The following BRD4 variants were observed in gnomAD, a reference collection of about 807,000 sequenced individuals.
BRD4 encodes bromodomain-containing protein 4.
A neutral mutation model predicts 142.1 loss-of-function variants in BRD4; 16 were observed. That is an observed-to-expected ratio of 0.11 (90% CI 0.08 to 0.17). The LOEUF (loss-of-function observed/expected upper bound fraction) is 0.17, where lower values mean the gene tolerates loss of function less well. BRD4 is among the 10% of genes least tolerant of loss of function. The pLI is 1.00. For synonymous variants in BRD4, 833 were observed against 707.5 expected (o/e 1.18, Z -2.82); for missense variants, 1,424 against 1,810.9 (o/e 0.79, Z 3.88).
At chr19:15,244,851 T>C in intron 11 of BRD4, 89 bp from the exon 12 acceptor site, 3 of 1,603,058 alleles carry the variant, frequency 1.9e-6, no homozygotes, top group Non-Finnish European at 2.6e-6. Context: ...AACAGGGCAC[T>C]TTCAGGAGAA....
At chr19:15,286,253 A>G (rs1307623618) in intron 1 of BRD4, among the ~76,000 whole-genome samples, 1 of 152,214 alleles carries the variant, frequency 6.6e-6, no homozygotes, top group Non-Finnish European at 1.5e-5. Flanking sequence ...CCTCCCCTGC[A>G]CCGGCCTAAC....
At chr19:15,265,325 A>G in intron 5 of BRD4, 29 bp downstream of exon 5, 2 of 1,472,518 alleles carry the variant, frequency 1.4e-6, no homozygotes, top group Non-Finnish European at 1.8e-6. Context: ...TCCCTGGTGA[A>G]GCAGCCCTCC....
At chr19:15,321,395 G>C (rs1315154342) in intron 1 of BRD4, among the ~76,000 whole-genome samples, 1 of 151,356 alleles carries the variant, frequency 6.6e-6, no homozygotes, top group Non-Finnish European at 1.5e-5. Flanking sequence ...TACCACTTGG[G>C]TTGAGGGAAT....
intron 1 of BRD4, among the ~76,000 whole-genome samples, chr19:15,313,376 A>T (rs1225451888): frequency 1.4e-5 from 2 of 145,156 alleles, no homozygotes; most frequent in African/African-American, 5.0e-5. Flanking sequence ...CCATCTTTAA[A>T]AAAAAAAAAA....
chr19:15,313,601 G>A (rs553331739), intron 1 of BRD4, among the ~76,000 whole-genome samples: 7 of 152,016 alleles, frequency 4.6e-5, no homozygotes, highest in East Asian at 1.9e-4. Flanking sequence ...GCTTGAACCC[G>A]GCAGGCGGAG....
intron 11 of BRD4, chr19:15,253,036 G>A (rs1174589801): frequency 4.3e-6 from 1 of 233,284 alleles, no homozygotes; most frequent in African/African-American, 2.2e-5. Context: ...AAAATCCCAG[G>A]GATGGGACAG....
At chr19:15,324,520 C>T (rs1185862251) in intron 1 of BRD4, among the ~76,000 whole-genome samples, 1 of 152,186 alleles carries the variant, frequency 6.6e-6, no homozygotes, top group Non-Finnish European at 1.5e-5. Context: ...AATTACTCTA[C>T]CAAACTTTTC....
Position 15,265,364 on chromosome 19 carries a change from T to A in BRD4, c.839A>T (p.Gln280Leu). Reference protein sequence around the residue: ...SHPPIIAATPQPVKTKKGVKR... With the variant: ...SHPPIIAATPLPVKTKKGVKR... The stretch of plus-strand genomic sequence containing the variant: ...GTCCAGGAGACTCACCTTCACAGGC[T>A]GTGGGGTGGCCGCGATGATGGGTGG... Residue 280 changes from glutamine (Q) to leucine (L), a missense_variant, in exon 5 of 20, where the codon CAG becomes CTG. By Grantham distance (113) the Gln-to-Leu change is moderately radical. Around this residue, in one of 16 missense-constraint regions of BRD4, gnomAD observed 140 missense variants for 131.7 expected, o/e 1.06. Coordinates refer to ENST00000679869, the MANE Select transcript of BRD4 (RefSeq NM_001379291.1). 1 of 1,507,654 alleles carries A rather than the reference T, an allele frequency of 6.6e-7. No homozygotes were observed. The highest frequency in any genetic ancestry group is 8.8e-7 in the Non-Finnish European group (1 of 1,131,652). 93.4% of individuals were successfully genotyped at this position (1,507,654 alleles called of 1,614,324 possible). A position where few individuals can be genotyped will look rare whatever the true frequency, so the allele number is the denominator to read the frequency against.
chr19:15,249,334 G>A (rs956520730), intron 11 of BRD4: 3 of 1,613,706 alleles, frequency 1.9e-6, no homozygotes, highest in African/African-American at 2.7e-5. Flanking sequence ...AAATGGTGTG[G>A]AATGTACCAT....
At chr19:15,290,425 A>C (rs2047773322) in intron 1 of BRD4, among the ~76,000 whole-genome samples, 1 of 152,170 alleles carries the variant, frequency 6.6e-6, no homozygotes, top group Non-Finnish European at 1.5e-5. Context: ...TTGCCATAGA[A>C]ATCAAAATGC....
At chr19:15,319,197 C>T (rs749146832) in intron 1 of BRD4, among the ~76,000 whole-genome samples, 3 of 151,874 alleles carry the variant, frequency 2.0e-5, no homozygotes, top group Non-Finnish European at 4.4e-5. Flanking sequence ...AGGCTGGGAG[C>T]GGTGCCTCAC....
chr19:15,243,412 CG>C lies in BRD4; in HGVS notation c.2656del (p.Arg886GlyfsTer9). The C allele has an allele frequency of 6.5e-7, 1 of 1,545,602 alleles. No individual in the cohort carries two copies. The highest frequency in any genetic ancestry group is 2.0e-5 in the Admixed American group (1 of 51,128). ...CAAGGCTGGTGACACGGCTGGGGGC[CG>C]GGCGGGCTTGGGAGGCAGGGCAGCG... ...RAAALPPKPA[R>X]PPAVSPALTQ... On this transcript the variant is annotated frameshift_variant, in exon 14 of 20. Transcript: ENST00000679869. LOFTEE classifies it high-confidence loss of function.
chr19:15,269,123 G>C (rs2047561785), intron 2 of BRD4, 81 bp from the exon 3 acceptor site: 1 of 1,535,608 alleles, frequency 6.5e-7, no homozygotes, highest in African/African-American at 1.4e-5. Flanking sequence ...CTGGCCTGGG[G>C]ACCTCACCCC....
intron 1 of BRD4, among the ~76,000 whole-genome samples, chr19:15,315,771 A>T (rs1283009397): frequency 1.4e-5 from 2 of 146,652 alleles, no homozygotes; most frequent in African/African-American, 5.1e-5. Context: ...CATGAGAATC[A>T]CTTGAACCCG....
rs1417827236 is a variant in BRD4, at chr19:15,236,892, C to G, written c.*1485G>C. 1 of 200,470 alleles carries G rather than the reference C, an allele frequency of 5.0e-6. No individual in the cohort carries two copies. Among genetic ancestry groups the G allele is most frequent in the Admixed American group, 6.1e-5 (1 of 16,514 alleles). The allele number at this position is 200,470 out of a possible 1,614,324, so 12.4% of individuals were successfully genotyped here. On this transcript the variant is annotated 3_prime_UTR_variant, in exon 20 of 20. Coordinates refer to ENST00000679869, the MANE Select transcript of BRD4 (RefSeq NM_001379291.1). ...GATCAGTACAGACCAAATGCATATT[C>G]ACCGTATGAAAGTCAAACCAGTCAG...
intron 1 of BRD4, among the ~76,000 whole-genome samples, chr19:15,292,859 A>G (rs939957327): frequency 1.3e-5 from 2 of 151,302 alleles, no homozygotes; most frequent in Non-Finnish European, 2.9e-5. Flanking sequence ...CCCCAAACCA[A>G]AAGTCTAGTT....
chr19:15,274,723 G>C (rs1447182073), intron 1 of BRD4, among the ~76,000 whole-genome samples: 1 of 152,224 alleles, frequency 6.6e-6, no homozygotes, highest in Admixed American at 6.5e-5. Context: ...TAGAACTTCT[G>C]GGCTGGGCCA....
chr19:15,325,750 C>T (rs1474927290), intron 1 of BRD4, among the ~76,000 whole-genome samples: 1 of 152,060 alleles, frequency 6.6e-6, no homozygotes, highest in African/African-American at 2.4e-5. Context: ...TATAATCCCA[C>T]CACTTTGGGA....
intron 1 of BRD4, among the ~76,000 whole-genome samples, chr19:15,293,074 G>A (rs909813776): frequency 2.0e-4 from 31 of 152,172 alleles, no homozygotes; most frequent in African/African-American, 7.5e-4. Context: ...AAAGTTCAAG[G>A]AGGCCAATGG....
Sources: allele counts gnomAD v4.1 joint callset (sites outside exome capture counted in the v4.1 genomes callset), GRCh38; gene constraint gnomAD v4.1.1; regional missense constraint gnomAD v4.1.1; transcripts MANE v1.5; gene names NCBI Gene and HGNC (gene_info 2026-07-23, HGNC 2026-07-21).